Variants in HYDIN observed in about 807,000 individuals in gnomAD.
HYDIN encodes the protein HYDIN axonemal central pair apparatus protein.
Under a neutral mutation model 403.9 loss-of-function variants are expected in HYDIN, and 132 were observed. That is an observed-to-expected ratio of 0.33 (90% CI 0.28 to 0.38). The LOEUF is 0.38. HYDIN is among the 10% of genes least tolerant of loss of function. The pLI is 1.00. For missense variants in HYDIN, 2,827 were observed against 5,009.5 expected (o/e 0.56, Z 13.15); for synonymous variants, 1,202 against 1,891.7 (o/e 0.64, Z 9.46).
intron 30 of HYDIN, among the ~76,000 whole-genome samples, chr16:70,978,364 CA>C (rs576988113): frequency 6.7e-6 from 1 of 148,462 alleles, no homozygotes; most frequent in South Asian, 2.2e-4. Context: ...AGAATGACTC[CA>C]TCAGCTTAAA....
Position 70,992,119 on chromosome 16 carries a change from T to C in HYDIN, c.3736A>G (p.Ile1246Val). The C allele has an allele frequency of 1.9e-6, 3 of 1,613,138 alleles. No individual in the cohort carries two copies. The highest frequency in any genetic ancestry group is 2.5e-6 in the Non-Finnish European group (3 of 1,179,618). The change falls in exon 24 of 86, where the codon ATC (isoleucine) becomes GTC (valine). Residue 1246 changes from isoleucine to valine, a missense_variant. Ile to Val is a conservative substitution (Grantham distance 29). Transcript: ENST00000393567. ...ATSEAASPPA[I>V]LVTVESPEMD... Reference sequence around the variant, plus strand: ...TCGGGGGACTCTACTGTAACTAGGATTGCTGGTGGGCTGGCAGCCTCTGAG... The same window carrying C: ...TCGGGGGACTCTACTGTAACTAGGACTGCTGGTGGGCTGGCAGCCTCTGAG...
intron 3 of HYDIN, among the ~76,000 whole-genome samples, chr16:71,182,643 A>C (rs2086956093): frequency 1.3e-5 from 2 of 152,174 alleles, no homozygotes; most frequent in African/African-American, 4.8e-5. Context: ...ATTAGATCTT[A>C]AATATATTAA....
At chr16:71,194,272 G>T (rs562207241) in intron 1 of HYDIN, among the ~76,000 whole-genome samples, 2 of 152,124 alleles carry the variant, frequency 1.3e-5, no homozygotes, top group South Asian at 2.1e-4. Flanking sequence ...TTAGCTGGGC[G>T]TGGTGGCACG....
At chr16:71,045,729 A>T (rs1395095767) in intron 18 of HYDIN, among the ~76,000 whole-genome samples, 1 of 99,346 alleles carries the variant, frequency 1.0e-5, no homozygotes, top group African/African-American at 3.8e-5. Flanking sequence ...ATCTTTACAA[A>T]CAAGTAAGCT....
In HYDIN at chr16:70,992,184, T is replaced by G. The variant is rs753794462; in HGVS notation, c.3671A>C (p.Tyr1224Ser). The change falls in exon 24 of 86, where the codon TAC becomes TCC. Residue 1224 changes from tyrosine (Y) to serine (S), a missense_variant. Coordinates refer to ENST00000393567, the MANE Select transcript of HYDIN (RefSeq NM_001270974.2). ...IRFVTLPKKP[Y>S]SAPVSQMESI... is the part of the protein sequence containing the mutation. ...CTCCATCTGGGACACTGGGGCACTG[T>G]AGGGCTTCTTCGGCAATGTCACAAA... is the stretch of plus-strand genomic sequence containing the variant. 1 of 1,602,072 alleles carries G rather than the reference T, an allele frequency of 6.2e-7. No homozygotes were observed. The highest frequency in any genetic ancestry group is 8.5e-7 in the Non-Finnish European group (1 of 1,175,262).
chr16:71,103,978 C>G (rs1440455940), intron 10 of HYDIN, among the ~76,000 whole-genome samples: 1 of 152,080 alleles, frequency 6.6e-6, no homozygotes, highest in Non-Finnish European at 1.5e-5. Context: ...GTATATGGGT[C>G]TTGTATACAT....
At position 71,217,266 on chromosome 16, in the gene HYDIN, G is replaced by A. The variant is rs143199091; in HGVS notation, c.-24+13296C>T. On this transcript the variant is annotated intron_variant, in intron 1 of 85. Transcript: ENST00000393567. The stretch of plus-strand genomic sequence containing the variant: ...ATGCACACATTTACCCCCATTTTAA[G>A]TCTCGATGATGCCCCAAGTTGTCGT... Among the ~76,000 whole-genome samples the A allele has an allele frequency of 1.9e-3, 287 of 152,240 alleles. 5 individuals are homozygous for A. Among genetic ancestry groups the A allele is most frequent in the African/African-American group, 6.4e-3 (267 of 41,544 alleles).
At chr16:71,198,976 C>G (rs2087846765) in intron 1 of HYDIN, among the ~76,000 whole-genome samples, 1 of 152,190 alleles carries the variant, frequency 6.6e-6, no homozygotes, top group African/African-American at 2.4e-5. Context: ...TGGTTGCCAT[C>G]CAAACTTGCA....
intron 77 of HYDIN, 85 bp downstream of exon 77, chr16:70,837,605 G>T (rs2037518892): frequency 7.5e-7 from 1 of 1,336,118 alleles, no homozygotes; most frequent in Admixed American, 1.8e-5. Flanking sequence ...GGGCTGGAAG[G>T]GTGAAGGGGT....
intron 1 of HYDIN, among the ~76,000 whole-genome samples, chr16:71,194,131 G>C (rs149956084): frequency 6.6e-6 from 1 of 152,098 alleles, no homozygotes; most frequent in African/African-American, 2.4e-5. Flanking sequence ...ATAATTTTTG[G>C]GCCGGGTGCA....
intron 83 of HYDIN, 95 bp from the exon 84 acceptor site, chr16:70,818,667 A>G (rs2036013327): frequency 1.6e-6 from 1 of 614,226 alleles, no homozygotes; most frequent in Non-Finnish European, 2.9e-6. Context: ...CTTTTTTAGC[A>G]TTGTTTGGCA....
intron 41 of HYDIN, among the ~76,000 whole-genome samples, chr16:70,944,313 G>A (rs1222143594): frequency 6.6e-6 from 1 of 152,224 alleles, no homozygotes; most frequent in East Asian, 1.9e-4. Flanking sequence ...CATTCCAATG[G>A]AAGAGAGAGA....
intron 50 of HYDIN, among the ~76,000 whole-genome samples, chr16:70,904,664 C>T (rs527286275): frequency 2.8e-5 from 4 of 145,170 alleles, no homozygotes; most frequent in African/African-American, 1.0e-4. Context: ...CCACACCTGG[C>T]TAATTTTTTG....
intron 6 of HYDIN, among the ~76,000 whole-genome samples, chr16:71,158,553 G>A (rs532796723): frequency 1.2e-4 from 17 of 145,838 alleles, no homozygotes; most frequent in South Asian, 6.5e-4. Context: ...ATATGTTCCC[G>A]CACTTGCATA....
At position 70,803,630 on chromosome 16, in the gene HYDIN, G is replaced by T. The variant is rs1268503899; in HGVS notation, c.*3950C>A. ...ACATAACTTGTAGCAAGAGGCTGCTGATGACATTGTAAGAAATTGTACCAA... is the reference window on the plus strand; with the variant it reads ...ACATAACTTGTAGCAAGAGGCTGCTTATGACATTGTAAGAAATTGTACCAA... On this transcript the variant is annotated 3_prime_UTR_variant, in exon 86 of 86. Coordinates refer to ENST00000393567, the MANE Select transcript of HYDIN (RefSeq NM_001270974.2). 1.3e-5 allele frequency among the ~76,000 whole-genome samples: 2 copies of T among 152,240 alleles called. No homozygotes were observed. The highest frequency in any genetic ancestry group is 2.4e-5 in the African/African-American group (1 of 41,458).
Position 70,892,303 on chromosome 16 carries a change from C to A in HYDIN, c.9417+58G>T, listed in dbSNP as rs944522321. 2.6e-6 allele frequency: 4 copies of A among 1,557,414 alleles called. No homozygotes were observed. In the Admixed American group the frequency reaches 7.7e-5, roughly 30 times the overall value. On this transcript the variant is annotated intron_variant, in intron 56 of 85. Transcript: ENST00000393567. ...GGATTAGGTCATGTATCCTTCTTTG[C>A]AACAGGAGTCGTACGATCCTGCCAT...
chr16:71,184,014 A>T (rs1398498229), intron 3 of HYDIN, among the ~76,000 whole-genome samples: 1 of 152,118 alleles, frequency 6.6e-6, no homozygotes, highest in African/African-American at 2.4e-5. Context: ...TGTTCCCTCC[A>T]CTCAAATTTG....
chr16:70,863,028 G>C, intron 68 of HYDIN, 57 bp downstream of exon 68: 3 of 1,471,020 alleles, frequency 2.0e-6, no homozygotes, highest in South Asian at 2.3e-5. Flanking sequence ...CATGAACAAG[G>C]CTCTTCTAAT....
chr16:70,908,359 G>A lies in HYDIN; in HGVS notation c.8289C>T (p.Phe2763=), dbSNP rs756852795. Residue 2763 remains phenylalanine (F), a synonymous_variant, in exon 49 of 86, where the codon TTC becomes TTT. Transcript: ENST00000393567. The stretch of plus-strand genomic sequence containing the variant: ...AGTTAAAGGTTTGGTCAAAGTTCCC[G>A]AACTCATCAGAAGAGAAGTGCACCT... ...TLQVHFSSDE[F]GNFDQTFNFE... is the part of the protein sequence containing the mutation. 3.6e-5 allele frequency: 48 copies of A among 1,318,378 alleles called. 1 individual carries two copies. In the South Asian group the frequency reaches 5.1e-4, roughly 14 times the overall value. 81.7% of individuals were successfully genotyped at this position (1,318,378 alleles called of 1,614,324 possible).
Sources: allele counts gnomAD v4.1 joint callset (sites outside exome capture counted in the v4.1 genomes callset), GRCh38; gene constraint gnomAD v4.1.1; transcripts MANE v1.5; gene names NCBI Gene and HGNC (gene_info 2026-07-23, HGNC 2026-07-21).